The following FUBP1 variants were observed in gnomAD, a reference collection of about 807,000 sequenced individuals.
FUBP1 encodes the protein far upstream element-binding protein 1.
In FUBP1, 16 loss-of-function variants were observed where a neutral mutation model predicts 94.9. The observed-to-expected ratio is 0.17, with a 90% confidence interval of 0.11 to 0.26. The LOEUF is 0.26. FUBP1 is among the 10% of genes least tolerant of loss of function. The probability of loss-of-function intolerance (pLI) is 1.00; values close to 1 mark genes in which losing one functional copy is unlikely to be tolerated. For missense variants in FUBP1, 583 were observed against 808.6 expected (o/e 0.72, Z 3.38); for synonymous variants, 279 against 254.9 (o/e 1.09, Z -0.90).
intron 14 of FUBP1, chr1:77,960,791 CTTT>C (rs1655317306): frequency 3.6e-6 from 1 of 275,406 alleles, no homozygotes; most frequent in African/African-American, 2.3e-5. Flanking sequence ...GTTCCCTTTC[CTTT>C]TATCATTCTT....
At chr1:77,972,038 T>G (rs1216884503) in intron 1 of FUBP1, among the ~76,000 whole-genome samples, 1 of 151,798 alleles carries the variant, frequency 6.6e-6, no homozygotes, top group East Asian at 1.9e-4. Flanking sequence ...AAATTCTCGC[T>G]TTGGTCAATC....
intron 18 of FUBP1, among the ~76,000 whole-genome samples, chr1:77,953,160 G>A: frequency 6.6e-6 from 1 of 151,766 alleles, no homozygotes; most frequent in Non-Finnish European, 1.5e-5. Flanking sequence ...ATATGCATGT[G>A]AAGGACTTGC....
chr1:77,975,581 G>T (rs1658446826), intron 1 of FUBP1, among the ~76,000 whole-genome samples: 1 of 152,128 alleles, frequency 6.6e-6, no homozygotes, highest in Non-Finnish European at 1.5e-5. Flanking sequence ...TAATAGTCTC[G>T]CTTAGCTAAT....
intron 1 of FUBP1, 99 bp downstream of exon 1, chr1:77,978,786 C>G: frequency 4.3e-6 from 6 of 1,389,910 alleles, no homozygotes; most frequent in Non-Finnish European, 5.1e-6. Flanking sequence ...CGGAAGAACA[C>G]CTCTTTCCTC....
intron 18 of FUBP1, among the ~76,000 whole-genome samples, chr1:77,951,220 G>A (rs1182692776): frequency 6.6e-6 from 1 of 152,174 alleles, no homozygotes; most frequent in East Asian, 1.9e-4. Context: ...AATTAACAAT[G>A]TAAAATGGTA....
chr1:77,966,702 T>C lies in FUBP1; in HGVS notation c.465A>G (p.Glu155=). Reference sequence around the variant, plus strand: ...AGATTTTTCAAACTTACTGGACAGATTCAGGTGTTCCAGTTAACATACAGG... The same window carrying C: ...AGATTTTTCAAACTTACTGGACAGACTCAGGTGTTCCAGTTAACATACAGG... ...ERSCMLTGTP[E]SVQSAKRLLD... The change falls in exon 7 of 20, where the codon GAA becomes GAG. Residue 155 remains glutamate (E), a synonymous_variant. Coordinates refer to ENST00000370768, the MANE Select transcript of FUBP1 (RefSeq NM_003902.5). The C allele has an allele frequency of 6.6e-7, 1 of 1,519,196 alleles. No homozygotes were observed. The highest frequency in any genetic ancestry group is 9.1e-7 in the Non-Finnish European group (1 of 1,094,110). The allele number at this position is 1,519,196 out of a possible 1,614,324, so 94.1% of individuals were successfully genotyped here. A position where few individuals can be genotyped will look rare whatever the true frequency, so the allele number is the denominator to read the frequency against.
chr1:77,947,730 T>G lies in FUBP1; in HGVS notation c.*1036A>C. The G allele has an allele frequency of 1.8e-6, 1 of 557,868 alleles. No homozygotes were observed. Among genetic ancestry groups the G allele is most frequent in the Non-Finnish European group, 3.0e-6 (1 of 337,708 alleles). The allele number at this position is 557,868 out of a possible 1,614,324, so 34.6% of individuals were successfully genotyped here. On this transcript the variant is annotated 3_prime_UTR_variant, in exon 20 of 20. Coordinates refer to ENST00000370768, the MANE Select transcript of FUBP1 (RefSeq NM_003902.5). ...AAGTACATAAAAAAATTAAGTTGAT[T>G]CAATGATTGGACTTGTGCATTTACA...
intron 18 of FUBP1, among the ~76,000 whole-genome samples, chr1:77,949,752 C>T (rs559972201): frequency 2.0e-5 from 3 of 152,212 alleles, no homozygotes; most frequent in Admixed American, 2.0e-4. Context: ...ACAAAAAGAA[C>T]ATTTTTGAAA....
chr1:77,976,859 T>C (rs910274124), intron 1 of FUBP1, among the ~76,000 whole-genome samples: 1 of 152,214 alleles, frequency 6.6e-6, no homozygotes, highest in African/African-American at 2.4e-5. Flanking sequence ...CGCTTGTACC[T>C]TTCCTTGCCT....
intron 14 of FUBP1, 27 bp from the exon 15 acceptor site, chr1:77,960,522 A>G (rs1406920304): frequency 6.3e-7 from 1 of 1,574,896 alleles, no homozygotes; most frequent in East Asian, 2.3e-5. Flanking sequence ...GACATAGAAA[A>G]ATCAGAAAAA....
Position 77,963,597 on chromosome 1 carries a change from T to C in FUBP1, c.1160A>G (p.Lys387Arg). 1 of 1,589,116 alleles carries C rather than the reference T, an allele frequency of 6.3e-7. No homozygotes were observed. The highest frequency in any genetic ancestry group is 8.6e-7 in the Non-Finnish European group (1 of 1,157,570). ...QEFNFIVPTG[K>R]TGLIIGKGGE... ...GCCTTTTCCTATTATTAATCCAGTT[T>C]TCCCAGTTGGCACAATAAAATTAAA... Residue 387 changes from lysine to arginine, a missense_variant, in exon 13 of 20, where the codon AAA becomes AGA. Lys to Arg is a conservative substitution (Grantham distance 26). Coordinates refer to ENST00000370768, the MANE Select transcript of FUBP1 (RefSeq NM_003902.5).
At chr1:77,956,453 A>G in intron 17 of FUBP1, 119 bp downstream of exon 17, 1 of 586,724 alleles carries the variant, frequency 1.7e-6, no homozygotes, top group South Asian at 3.6e-5. Flanking sequence ...AAAAAGGAAA[A>G]GTCTGCTTAA....
chr1:77,959,318 A>G (rs1218256298), intron 16 of FUBP1, among the ~76,000 whole-genome samples: 1 of 152,188 alleles, frequency 6.6e-6, no homozygotes, highest in Non-Finnish European at 1.5e-5. Flanking sequence ...GTATGGAAAG[A>G]TGCCAGAATA....
intron 18 of FUBP1, among the ~76,000 whole-genome samples, chr1:77,954,805 T>C (rs567302405): frequency 3.3e-5 from 5 of 152,252 alleles, no homozygotes; most frequent in Non-Finnish European, 5.9e-5. Context: ...AGAGACAAAT[T>C]TGGGAGACAA....
chr1:77,969,927 C>T lies in FUBP1; in HGVS notation c.209G>A (p.Gly70Glu), dbSNP rs1271532424. Residue 70 changes from glycine to glutamate, a missense_variant and splice_region_variant, in exon 2 of 20, where the codon GGA becomes GAA. Gly to Glu is a moderately conservative substitution (Grantham distance 98). Coordinates refer to ENST00000370768, the MANE Select transcript of FUBP1 (RefSeq NM_003902.5). The part of the protein sequence containing the change: ...YGGQKRPLED[G>E]DQPDAKKVAP... ...AAAATACTTAGAGTATAACTTACCTCCATCTTCTAAAGGTCTTTTTTGTCC... is the reference window on the plus strand; with the variant it reads ...AAAATACTTAGAGTATAACTTACCTTCATCTTCTAAAGGTCTTTTTTGTCC... The T allele has an allele frequency of 7.0e-7, 1 of 1,421,652 alleles. No individual in the cohort carries two copies. Among genetic ancestry groups the T allele is most frequent in the East Asian group, 2.3e-5 (1 of 43,566 alleles). 88.1% of individuals were successfully genotyped at this position (1,421,652 alleles called of 1,614,324 possible).
chr1:77,969,819 C>T (rs990973173), intron 2 of FUBP1, 106 bp downstream of exon 2: 8 of 502,592 alleles, frequency 1.6e-5, no homozygotes, highest in Admixed American at 1.2e-4. Flanking sequence ...ATTTTAACAA[C>T]CTTATAATAA....
At chr1:77,959,216 GGTAGGTA>G (rs2102336110) in intron 16 of FUBP1, among the ~76,000 whole-genome samples, 1 of 152,186 alleles carries the variant, frequency 6.6e-6, no homozygotes, top group African/African-American at 2.4e-5. Flanking sequence ...AGGCCTAAAA[GGTAGGTA>G]GCAGGTGAGA....
Position 77,948,373 on chromosome 1 carries a change from TA to T in FUBP1, c.*392del. The T allele has an allele frequency of 9.4e-7, 1 of 1,061,426 alleles. No homozygotes were observed. The highest frequency in any genetic ancestry group is 4.9e-5 in the East Asian group (1 of 20,208). 65.8% of individuals were successfully genotyped at this position (1,061,426 alleles called of 1,614,324 possible). ...CATTGCTAAGAAATTATGAATCCTT[TA>T]AATACCCACATATCCAACTTACCGA... On this transcript the variant is annotated 3_prime_UTR_variant, in exon 20 of 20. Transcript: ENST00000370768.
rs2102344968 is a variant in FUBP1, at chr1:77,960,180, C to T, written c.1576+4G>A. On this transcript the variant is annotated splice_donor_region_variant and intron_variant, in intron 16 of 19. Transcript: ENST00000370768. The stretch of plus-strand genomic sequence containing the variant: ...ATAACACACAAATAATAAGCATCTT[C>T]TACCTGGATCAGGAGGAGCCTGCTG... 6.3e-7 allele frequency: 1 copy of T among 1,592,120 alleles called. No individual in the cohort carries two copies. The highest frequency in any genetic ancestry group is 8.6e-7 in the Non-Finnish European group (1 of 1,161,854).
Sources: gnomAD v4.1 joint callset for allele counts (sites outside exome capture counted in the v4.1 genomes callset) on GRCh38, gnomAD v4.1.1 for gene constraint, MANE v1.5 for transcripts, NCBI Gene and HGNC (gene_info 2026-07-23, HGNC 2026-07-21) for gene names.